KCNIP1: variants seen among roughly 807,000 people sequenced by gnomAD.
The protein encoded by KCNIP1 is potassium voltage-gated channel interacting protein 1.
KCNIP1 carries 18 observed loss-of-function variants against 33.0 expected under a neutral mutation model. The ratio of observed to expected loss-of-function variants is 0.55; its 90% CI spans 0.38 to 0.81. The LOEUF is 0.81. Among genes scored for constraint, KCNIP1 ranks in the 30% least tolerant of loss-of-function variants. The pLI is 0.00. For missense variants in KCNIP1, 238 were observed against 271.6 expected, an observed-to-expected ratio of 0.88 and a Z score of 0.87; for synonymous variants, 93 against 98.3, an observed-to-expected ratio of 0.95 and a Z score of 0.32.
Position 170,383,529 on chromosome 5 carries a change from A to T in KCNIP1, c.88+29565A>T, listed in dbSNP as rs56745446. 2,403 of 838,866 alleles carry T rather than the reference A, an allele frequency of 2.9e-3. 53 individuals carry two copies. In the African/African-American group the frequency reaches 0.036, roughly 13 times the overall value. The allele number at this position is 838,866 out of a possible 1,614,324, so 52.0% of individuals were successfully genotyped here. On this transcript the variant is annotated intron_variant, in intron 1 of 7. Transcript: ENST00000377360. ...CCAGGTCTGTGTGACTCCAACACAG[A>T]AGAGCTAGGGCTGGCTCAGTCTCAT... is the stretch of plus-strand genomic sequence containing the variant.
chr5:170,623,088 C>T (rs1186429354), intron 1 of KCNIP1, among the ~76,000 whole-genome samples: 1 of 152,222 alleles, frequency 6.6e-6, no homozygotes, highest in Non-Finnish European at 1.5e-5. Context: ...CCTAATGCGG[C>T]GGCTGATCTG....
At chr5:170,572,644 T>G (rs952406449) in intron 1 of KCNIP1, among the ~76,000 whole-genome samples, 4 of 152,344 alleles carry the variant, frequency 2.6e-5, no homozygotes, top group African/African-American at 7.2e-5. Context: ...TCACCACAAG[T>G]TGTACAATGT....
intron 1 of KCNIP1, among the ~76,000 whole-genome samples, chr5:170,559,144 C>T (rs1252475520): frequency 1.3e-5 from 2 of 152,202 alleles, no homozygotes; most frequent in Non-Finnish European, 2.9e-5. Flanking sequence ...GCAGCATCCA[C>T]CTTCACTCTA....
chr5:170,556,581 G>A (rs1756856455), intron 1 of KCNIP1, among the ~76,000 whole-genome samples: 1 of 152,178 alleles, frequency 6.6e-6, no homozygotes. Context: ...GAGGAACAAG[G>A]ACAGGGATGG....
In KCNIP1 at chr5:170,365,784, C is replaced by T. The variant is rs574563201; in HGVS notation, c.88+11820C>T. On this transcript the variant is annotated intron_variant, in intron 1 of 7. Transcript: ENST00000377360. ...GGGAAGTCCAAGGGAGTCACTCCTT[C>T]GAGCCTAGCCTCCTTTTCTGTAAAA... is the stretch of plus-strand genomic sequence containing the variant. Among the ~76,000 whole-genome samples the T allele has an allele frequency of 3.8e-4, 58 of 152,334 alleles. 1 individual carries two copies. Among genetic ancestry groups the T allele is most frequent in the Non-Finnish European group, 6.9e-4 (47 of 68,032 alleles).
At chr5:170,611,766 T>C (rs1759164422) in intron 1 of KCNIP1, among the ~76,000 whole-genome samples, 1 of 152,064 alleles carries the variant, frequency 6.6e-6, no homozygotes. Flanking sequence ...AATCATCATA[T>C]TGGTCAAAGC....
chr5:170,634,988 T>C (rs1760226532), intron 1 of KCNIP1, among the ~76,000 whole-genome samples: 1 of 152,344 alleles, frequency 6.6e-6, no homozygotes, highest in Non-Finnish European at 1.5e-5. Context: ...GGGCTTCTCT[T>C]GCTTCCATAT....
At chr5:170,524,280 G>A (rs1218144322) in intron 1 of KCNIP1, among the ~76,000 whole-genome samples, 1 of 152,136 alleles carries the variant, frequency 6.6e-6, no homozygotes, top group Admixed American at 6.5e-5. Flanking sequence ...TGCCCTGCTT[G>A]TGACACCCAA....
chr5:170,554,023 G>A (rs1455276317), intron 1 of KCNIP1, among the ~76,000 whole-genome samples: 1 of 152,220 alleles, frequency 6.6e-6, no homozygotes, highest in Non-Finnish European at 1.5e-5. Flanking sequence ...ATGCTTACAT[G>A]TCCTGTCTAA....
chr5:170,394,811 G>A (rs527516091), intron 1 of KCNIP1, among the ~76,000 whole-genome samples: 7 of 152,206 alleles, frequency 4.6e-5, no homozygotes, highest in African/African-American at 1.4e-4. Context: ...GTGTCTACCC[G>A]GGGATTAGCT....
intron 1 of KCNIP1, among the ~76,000 whole-genome samples, chr5:170,675,883 C>G (rs1762113699): frequency 6.6e-6 from 1 of 152,046 alleles, no homozygotes; most frequent in African/African-American, 2.4e-5. Context: ...CTGCAACACG[C>G]AAATAGATGT....
intron 1 of KCNIP1, among the ~76,000 whole-genome samples, chr5:170,673,823 C>T (rs1762016792): frequency 6.6e-6 from 1 of 152,098 alleles, no homozygotes; most frequent in African/African-American, 2.4e-5. Context: ...CCCTCCAAAG[C>T]CTCAAGTTTT....
chr5:170,686,282 T>C (rs73319377), intron 1 of KCNIP1, among the ~76,000 whole-genome samples: 3,368 of 151,866 alleles, frequency 0.022, 145 homozygotes, highest in African/African-American at 0.077. Context: ...AGATGAGAGC[T>C]ACAATAAATG....
chr5:170,416,680 G>A (rs1283423356), intron 1 of KCNIP1, among the ~76,000 whole-genome samples: 3 of 149,046 alleles, frequency 2.0e-5, no homozygotes, highest in African/African-American at 7.4e-5. Context: ...AATACTTACC[G>A]TAACTCATTT....
upstream of KCNIP1, among the ~76,000 whole-genome samples, chr5:170,503,724 T>TCTCACACA (rs1554096903): frequency 1.5e-5 from 2 of 136,472 alleles, no homozygotes; most frequent in Admixed American, 7.2e-5. Context: ...CGCACGCACA[T>TCTCACACA]CACACACACA....
intron 1 of KCNIP1, chr5:170,678,986 G>A (rs1168480570): frequency 1.3e-5 from 2 of 152,214 alleles, no homozygotes; most frequent in South Asian, 2.1e-4. Context: ...ATATGTGAAT[G>A]CCTAAAATCC....
chr5:170,704,163 C>G (rs1245290416), intron 1 of KCNIP1, among the ~76,000 whole-genome samples: 2 of 137,130 alleles, frequency 1.5e-5, no homozygotes, highest in Non-Finnish European at 3.1e-5. Context: ...GTCTGTGCAC[C>G]AGTAGATTCT....
intron 1 of KCNIP1, among the ~76,000 whole-genome samples, chr5:170,547,834 G>A (rs1047086345): frequency 5.3e-5 from 8 of 152,056 alleles, no homozygotes; most frequent in African/African-American, 1.4e-4. Flanking sequence ...ATGAACATAC[G>A]CGTGCAGCTG....
chr5:170,698,562 G>C (rs1263389377), intron 1 of KCNIP1, among the ~76,000 whole-genome samples: 1 of 152,100 alleles, frequency 6.6e-6, no homozygotes, highest in East Asian at 1.9e-4. Flanking sequence ...CCCTAGGCAT[G>C]GGAAAATTCT....
Sources: gnomAD v4.1 joint callset for allele counts (sites outside exome capture counted in the v4.1 genomes callset) on GRCh38, gnomAD v4.1.1 for gene constraint, MANE v1.5 for transcripts, NCBI Gene and HGNC (gene_info 2026-07-23, HGNC 2026-07-21) for gene names.